CADPS2: variants seen among roughly 807,000 people sequenced by gnomAD.
CADPS2 encodes calcium-dependent secretion activator 2.
In CADPS2, 93 loss-of-function variants were observed where a neutral mutation model predicts 172.5. The ratio of observed to expected loss-of-function variants is 0.54; its 90% CI spans 0.46 to 0.64. CADPS2 has a LOEUF of 0.64. CADPS2 is among the 30% of genes least tolerant of loss of function. The probability of loss-of-function intolerance (pLI) is 0.00; values close to 1 mark genes in which losing one functional copy is unlikely to be tolerated. For missense variants in CADPS2, 1,420 were observed against 1,565.9 expected, an observed-to-expected ratio of 0.91 and a Z score of 1.57; for synonymous variants, 546 against 555.2, an observed-to-expected ratio of 0.98 and a Z score of 0.23.
intron 2 of CADPS2, among the ~76,000 whole-genome samples, chr7:122,674,676 A>G (rs2082221811): frequency 6.6e-6 from 1 of 152,250 alleles, no homozygotes. Flanking sequence ...GATTTGAACC[A>G]TGCATTACTT....
At chr7:122,559,683 A>C (rs1303499939) in intron 7 of CADPS2, among the ~76,000 whole-genome samples, 1 of 150,944 alleles carries the variant, frequency 6.6e-6, no homozygotes, top group African/African-American at 2.4e-5. Flanking sequence ...AGACAGGAGA[A>C]TAGCTTGAAC....
intron 2 of CADPS2, among the ~76,000 whole-genome samples, chr7:122,673,353 AG>A (rs1554710892): frequency 6.6e-6 from 1 of 152,230 alleles, no homozygotes; most frequent in Non-Finnish European, 1.5e-5. Flanking sequence ...CCGTTTTGAC[AG>A]GGTGCTCATT....
chr7:122,805,038 T>C (rs1798483070), intron 1 of CADPS2, among the ~76,000 whole-genome samples: 1 of 152,216 alleles, frequency 6.6e-6, no homozygotes. Flanking sequence ...GTATGTATCT[T>C]GTGTTCCTTT....
At chr7:122,812,495 C>A (rs1211523686) in intron 1 of CADPS2, among the ~76,000 whole-genome samples, 1 of 151,620 alleles carries the variant, frequency 6.6e-6, no homozygotes, top group Non-Finnish European at 1.5e-5. Flanking sequence ...GCAGCTAGCC[C>A]AGGACCTGTC....
chr7:122,414,126 T>C (rs1204818925), intron 18 of CADPS2, 50 bp from the exon 19 acceptor site: 6 of 1,420,868 alleles, frequency 4.2e-6, no homozygotes, highest in African/African-American at 3.0e-5. Flanking sequence ...ACAATTGCCA[T>C]AGTGTTACAA....
intron 15 of CADPS2, among the ~76,000 whole-genome samples, chr7:122,445,803 C>A (rs527634479): frequency 2.1e-4 from 32 of 152,214 alleles, no homozygotes; most frequent in African/African-American, 7.2e-4. Flanking sequence ...GACAGGGCGA[C>A]AGAGTAAGAA....
At chr7:122,490,835 TATTA>T (rs1252905600) in intron 10 of CADPS2, among the ~76,000 whole-genome samples, 5 of 152,138 alleles carry the variant, frequency 3.3e-5, no homozygotes, top group Admixed American at 1.3e-4. Flanking sequence ...TGATCTTAGA[TATTA>T]ATGTCATTAA....
At chr7:122,864,128 A>G (rs943609632) in intron 1 of CADPS2, among the ~76,000 whole-genome samples, 1 of 152,146 alleles carries the variant, frequency 6.6e-6, no homozygotes, top group African/African-American at 2.4e-5. Flanking sequence ...AAAACAATCA[A>G]CCTCCAGAAA....
intron 7 of CADPS2, 31 bp from the exon 8 acceptor site, chr7:122,554,720 G>C: frequency 1.3e-6 from 2 of 1,555,666 alleles, no homozygotes; most frequent in South Asian, 2.4e-5. Flanking sequence ...ACATTTAAAC[G>C]CATGATACGG....
intron 1 of CADPS2, among the ~76,000 whole-genome samples, chr7:122,742,225 T>G (rs1215312544): frequency 6.6e-6 from 1 of 151,328 alleles, no homozygotes; most frequent in Admixed American, 6.6e-5. Flanking sequence ...ACCCCGTCTC[T>G]ACTAAAAAAA....
intron 1 of CADPS2, among the ~76,000 whole-genome samples, chr7:122,879,728 C>T (rs372005670): frequency 5.9e-5 from 9 of 152,180 alleles, no homozygotes; most frequent in South Asian, 4.1e-4. Context: ...AAAAATCCAT[C>T]ACTAACTTGA....
At chr7:122,636,373 A>G (rs970435680) in intron 3 of CADPS2, among the ~76,000 whole-genome samples, 1 of 151,688 alleles carries the variant, frequency 6.6e-6, no homozygotes, top group Non-Finnish European at 1.5e-5. Flanking sequence ...TTGGCAGGAT[A>G]TGAATTTCAT....
chr7:122,496,053 A>G (rs2058707462), intron 9 of CADPS2, among the ~76,000 whole-genome samples: 1 of 151,894 alleles, frequency 6.6e-6, no homozygotes, highest in Non-Finnish European at 1.5e-5. Context: ...TCACCTTTTT[A>G]ATGTTTTCGA....
chr7:122,615,425 A>G (rs967290438), intron 5 of CADPS2, 126 bp from the exon 6 acceptor site: 11 of 500,792 alleles, frequency 2.2e-5, no homozygotes, highest in Admixed American at 1.1e-4. Flanking sequence ...TTTTGTTAAC[A>G]TCACTGGTAT....
intron 1 of CADPS2, among the ~76,000 whole-genome samples, chr7:122,777,963 G>C (rs745358210): frequency 1.3e-5 from 2 of 152,126 alleles, no homozygotes; most frequent in Non-Finnish European, 2.9e-5. Context: ...TGGGTAACAG[G>C]CAGAGGTTGG....
At chr7:122,815,245 G>C (rs966938653) in intron 1 of CADPS2, among the ~76,000 whole-genome samples, 5 of 152,106 alleles carry the variant, frequency 3.3e-5, no homozygotes, top group African/African-American at 1.2e-4. Flanking sequence ...TGTTAAGTCA[G>C]TCTGCAAAGC....
Position 122,776,690 on chromosome 7 carries a change from A to G in CADPS2, c.340-39622T>C, listed in dbSNP as rs748649342. On this transcript the variant is annotated intron_variant, in intron 1 of 29. Coordinates refer to ENST00000449022, the MANE Select transcript of CADPS2 (RefSeq NM_017954.11). ...GATGTGGGAAAGTTTAGAATTTCCT[A>G]AAGACTTGTTGAATGGCTTTGACCA... Among the ~76,000 whole-genome samples the G allele has an allele frequency of 7.2e-5, 11 of 152,316 alleles. No individual in the cohort carries two copies. The East Asian group carries it at 1.5e-3, about 21-fold the overall frequency.
chr7:122,592,779 T>C lies in CADPS2; in HGVS notation c.1224-11489A>G, dbSNP rs190252245. 8.7e-3 allele frequency among the ~76,000 whole-genome samples: 1,315 copies of C among 150,530 alleles called. 8 individuals carry two copies. The highest frequency in any genetic ancestry group is 0.024 in the Middle Eastern group (7 of 294). On this transcript the variant is annotated intron_variant, in intron 6 of 29. Coordinates refer to ENST00000449022, the MANE Select transcript of CADPS2 (RefSeq NM_017954.11). ...GCATGTTCTCACTCATAGGTGGGAA[T>C]TGAACAATAAGAATACATGGACACA... is the stretch of plus-strand genomic sequence containing the variant.
chr7:122,602,632 G>A (rs1226328154), intron 6 of CADPS2, among the ~76,000 whole-genome samples: 1 of 151,984 alleles, frequency 6.6e-6, no homozygotes, highest in Non-Finnish European at 1.5e-5. Flanking sequence ...GCATGAGACA[G>A]TATGGCATTT....
Sources: allele counts gnomAD v4.1 joint callset (sites outside exome capture counted in the v4.1 genomes callset), GRCh38; gene constraint gnomAD v4.1.1; transcripts MANE v1.5; gene names NCBI Gene and HGNC (gene_info 2026-07-23, HGNC 2026-07-21).